The following SLC24A3 variants were observed in gnomAD, a reference collection of about 807,000 sequenced individuals.
The protein encoded by SLC24A3 is sodium/potassium/calcium exchanger 3.
SLC24A3 carries 28 observed loss-of-function variants against 75.8 expected under a neutral mutation model. That is an observed-to-expected ratio of 0.37 (90% CI 0.27 to 0.51). The LOEUF (loss-of-function observed/expected upper bound fraction) is 0.51. SLC24A3 is among the 20% of genes least tolerant of loss of function. SLC24A3 has a pLI of 0.94. For missense variants in SLC24A3, 663 were observed against 847.8 expected (o/e 0.78, Z 2.71); for synonymous variants, 372 against 334.1 (o/e 1.11, Z -1.24).
chr20:19,296,247 T>C (rs772173956), intron 2 of SLC24A3, among the ~76,000 whole-genome samples: 17 of 151,594 alleles, frequency 1.1e-4, no homozygotes, highest in Non-Finnish European at 1.2e-4. Flanking sequence ...TTCTTTTTTC[T>C]TTATTAGTCT....
intron 2 of SLC24A3, among the ~76,000 whole-genome samples, chr20:19,440,557 C>T (rs945040785): frequency 1.3e-5 from 2 of 151,434 alleles, no homozygotes; most frequent in Non-Finnish European, 1.5e-5. Context: ...AGGGTGCCGA[C>T]AACGAACATT....
chr20:19,686,141 T>C (rs902329880), intron 12 of SLC24A3, among the ~76,000 whole-genome samples: 5 of 152,198 alleles, frequency 3.3e-5, no homozygotes, highest in Admixed American at 2.6e-4. Flanking sequence ...GCAGGAACTT[T>C]TGGTATGAAG....
chr20:19,317,658 G>A (rs764083376), intron 2 of SLC24A3, among the ~76,000 whole-genome samples: 38 of 152,142 alleles, frequency 2.5e-4, no homozygotes, highest in Non-Finnish European at 5.6e-4. Context: ...TTGAGTTGCT[G>A]TAGACAGGTA....
chr20:19,639,871 C>T (rs570176445), intron 6 of SLC24A3, among the ~76,000 whole-genome samples: 1 of 152,384 alleles, frequency 6.6e-6, no homozygotes, highest in South Asian at 2.1e-4. Context: ...GCCGCTGGCC[C>T]AGGTGCTAAG....
At chr20:19,428,338 A>G (rs1987047170) in intron 2 of SLC24A3, among the ~76,000 whole-genome samples, 2 of 152,068 alleles carry the variant, frequency 1.3e-5, no homozygotes, top group South Asian at 2.1e-4. Flanking sequence ...TGGACACAGC[A>G]CTCAATCGAC....
intron 6 of SLC24A3, among the ~76,000 whole-genome samples, chr20:19,616,447 C>A (rs1179860297): frequency 6.6e-6 from 1 of 152,232 alleles, no homozygotes; most frequent in African/African-American, 2.4e-5. Flanking sequence ...CTCACAAACA[C>A]TTAGGCAGGG....
intron 2 of SLC24A3, among the ~76,000 whole-genome samples, chr20:19,419,985 G>A (rs1325328606): frequency 3.1e-5 from 3 of 95,610 alleles, no homozygotes; most frequent in African/African-American, 1.3e-4. Flanking sequence ...CCCCTCCCCC[G>A]ACCCCACCAC....
At chr20:19,357,522 A>G (rs1985710220) in intron 2 of SLC24A3, among the ~76,000 whole-genome samples, 1 of 152,104 alleles carries the variant, frequency 6.6e-6, no homozygotes, top group African/African-American at 2.4e-5. Flanking sequence ...ATGGATATTA[A>G]TTCTTTCTTG....
At chr20:19,286,299 T>A (rs1405021115) in intron 2 of SLC24A3, among the ~76,000 whole-genome samples, 2 of 152,034 alleles carry the variant, frequency 1.3e-5, no homozygotes, top group African/African-American at 4.8e-5. Flanking sequence ...GAAGTCTATA[T>A]GAGAGAAGCA....
intron 6 of SLC24A3, among the ~76,000 whole-genome samples, chr20:19,643,104 T>C (rs2032094937): frequency 6.6e-6 from 1 of 152,168 alleles, no homozygotes. Context: ...GCAATCAGTA[T>C]CCTTGAGTAT....
chr20:19,651,100 T>C (rs1385676597), intron 6 of SLC24A3, among the ~76,000 whole-genome samples: 1 of 152,172 alleles, frequency 6.6e-6, no homozygotes, highest in African/African-American at 2.4e-5. Flanking sequence ...CTTGGTATTA[T>C]GTTTTATTGT....
intron 2 of SLC24A3, among the ~76,000 whole-genome samples, chr20:19,497,366 G>A (rs1383198168): frequency 3.8e-4 from 58 of 152,204 alleles, no homozygotes; most frequent in Non-Finnish European, 8.8e-5. Flanking sequence ...GGCCTGCAGT[G>A]AGGAGCAGAA....
chr20:19,624,059 A>T (rs1283525094), intron 6 of SLC24A3, among the ~76,000 whole-genome samples: 2 of 152,190 alleles, frequency 1.3e-5, no homozygotes, highest in South Asian at 4.1e-4. Context: ...AGGCCTCCAG[A>T]AATCTTTTCA....
intron 6 of SLC24A3, among the ~76,000 whole-genome samples, chr20:19,620,333 GA>G (rs1051571378): frequency 2.0e-5 from 3 of 152,186 alleles, no homozygotes; most frequent in Non-Finnish European, 2.9e-5. Flanking sequence ...TTTTGGGGGG[GA>G]AAGCTTGAAG....
intron 2 of SLC24A3, among the ~76,000 whole-genome samples, chr20:19,432,940 A>G (rs1036368723): frequency 2.4e-4 from 36 of 152,226 alleles, no homozygotes; most frequent in African/African-American, 8.4e-4. Flanking sequence ...TTTATATCCT[A>G]TTGCTCAAGG....
At chr20:19,584,619 C>A (rs2031268076) in intron 4 of SLC24A3, among the ~76,000 whole-genome samples, 1 of 152,216 alleles carries the variant, frequency 6.6e-6, no homozygotes, top group African/African-American at 2.4e-5. Flanking sequence ...TGGGCCCACT[C>A]CACTCCTGAC....
At chr20:19,564,843 T>A (rs1216896042) in intron 3 of SLC24A3, among the ~76,000 whole-genome samples, 3 of 152,238 alleles carry the variant, frequency 2.0e-5, no homozygotes, top group Admixed American at 6.5e-5. Flanking sequence ...TATCAATTCT[T>A]CCAGATAATC....
chr20:19,642,958 T>A (rs545514637), intron 6 of SLC24A3, among the ~76,000 whole-genome samples: 1 of 152,310 alleles, frequency 6.6e-6, no homozygotes, highest in South Asian at 2.1e-4. Flanking sequence ...ATTAAAGAAA[T>A]GTCCTTGTGT....
intron 2 of SLC24A3, among the ~76,000 whole-genome samples, chr20:19,298,238 C>T (rs1441970151): frequency 6.6e-6 from 1 of 152,218 alleles, no homozygotes; most frequent in Non-Finnish European, 1.5e-5. Flanking sequence ...ACGGGAGTTG[C>T]ATGTGTCAGG....
Sources: gnomAD v4.1 joint callset for allele counts (sites outside exome capture counted in the v4.1 genomes callset) on GRCh38, gnomAD v4.1.1 for gene constraint, MANE v1.5 for transcripts, NCBI Gene and HGNC (gene_info 2026-07-23, HGNC 2026-07-21) for gene names.